TTPAL: variants seen among roughly 807,000 people sequenced by gnomAD.
The protein encoded by TTPAL is alpha-tocopherol transfer protein-like.
TTPAL carries 21 observed loss-of-function variants against 28.7 expected under a neutral mutation model. The observed-to-expected ratio is 0.73, with a 90% CI of 0.52 to 1.06. The LOEUF is 1.06. Among genes scored for constraint, TTPAL ranks in the 50% least tolerant of loss-of-function variants. The probability of loss-of-function intolerance (pLI) is 0.00; values close to 1 mark genes in which losing one functional copy is unlikely to be tolerated. For missense variants in TTPAL, 345 were observed against 425.5 expected (o/e 0.81, Z 1.67); for synonymous variants, 169 against 171.9 (o/e 0.98, Z 0.13).
At chr20:44,477,377 G>T (rs1209641243) in intron 1 of TTPAL, among the ~76,000 whole-genome samples, 1 of 152,150 alleles carries the variant, frequency 6.6e-6, no homozygotes, top group Admixed American at 6.5e-5. Context: ...TTAGGCGCTG[G>T]GTTTCAGGTG....
chr20:44,481,661 G>A (rs2064106667), intron 2 of TTPAL, among the ~76,000 whole-genome samples: 1 of 152,172 alleles, frequency 6.6e-6, no homozygotes, highest in Non-Finnish European at 1.5e-5. Context: ...ACGCCCTCTT[G>A]AAGGGAAGTT....
intron 2 of TTPAL, among the ~76,000 whole-genome samples, chr20:44,483,015 G>C (rs1307360242): frequency 6.6e-6 from 1 of 152,010 alleles, no homozygotes; most frequent in African/African-American, 2.4e-5. Context: ...GCACCACCAT[G>C]CCCAGCTAAT....
At chr20:44,487,755 G>A (rs949623155) in intron 4 of TTPAL, among the ~76,000 whole-genome samples, 3 of 152,046 alleles carry the variant, frequency 2.0e-5, no homozygotes, top group African/African-American at 7.2e-5. Flanking sequence ...GCAAAGACTG[G>A]GCCCTGAATT....
At chr20:44,478,932 G>A (rs935948169) in intron 1 of TTPAL, among the ~76,000 whole-genome samples, 2 of 152,188 alleles carry the variant, frequency 1.3e-5, no homozygotes, top group Non-Finnish European at 2.9e-5. Context: ...TGGGACTACA[G>A]GCACCTGCCA....
At position 44,480,552 on chromosome 20, in the gene TTPAL, T is replaced by C. The variant is rs2064094846; in HGVS notation, c.445+108T>C. 5 of 1,103,038 alleles carry C rather than the reference T, an allele frequency of 4.5e-6. No homozygotes were observed. The highest frequency in any genetic ancestry group is 2.4e-5 in the Admixed American group (1 of 41,614). The allele number at this position is 1,103,038 out of a possible 1,614,324, so 68.3% of individuals were successfully genotyped here. ...TCCCTTTTTTACCCCTCCTTTGTTATAGTCAAGGCTCTTTTGATTGCAGAT... is the reference window on the plus strand; with the variant it reads ...TCCCTTTTTTACCCCTCCTTTGTTACAGTCAAGGCTCTTTTGATTGCAGAT... On this transcript the variant is annotated intron_variant, in intron 2 of 4. Transcript: ENST00000262605. The surrounding 1 kb of genome is among the most constrained non-coding windows in gnomAD (Gnocchi z 4.1).
At position 44,494,166 on chromosome 20, in the gene TTPAL, T is replaced by G. The variant is rs1438672871; in HGVS notation, c.*4625T>G. On this transcript the variant is annotated 3_prime_UTR_variant, in exon 5 of 5. Transcript: ENST00000262605. ...GATCAATGTGATTTGTGGATGGAGA[T>G]GATAGTGATGAAATTCCTGTTTCAT... The G allele has an allele frequency of 1.3e-5, 2 of 152,382 alleles. No individual in the cohort carries two copies. Among genetic ancestry groups the G allele is most frequent in the South Asian group, 2.1e-4 (1 of 4,838 alleles). The allele number at this position is 152,382 out of a possible 1,614,324, so 9.4% of individuals were successfully genotyped here. A position where few individuals can be genotyped will look rare whatever the true frequency, so the allele number is the denominator to read the frequency against.
At chr20:44,488,786 G>A (rs780445691) in intron 4 of TTPAL, among the ~76,000 whole-genome samples, 22 of 152,210 alleles carry the variant, frequency 1.4e-4, no homozygotes, top group Non-Finnish European at 2.9e-4. Flanking sequence ...CAAGACTGGA[G>A]GGGCAGGTGG....
chr20:44,488,028 G>T (rs973608398), intron 4 of TTPAL, among the ~76,000 whole-genome samples: 1 of 152,096 alleles, frequency 6.6e-6, no homozygotes, highest in Non-Finnish European at 1.5e-5. Context: ...CTTGGCCTCC[G>T]AAAGTGCTGG....
At chr20:44,484,907 GT>G (rs1271198480) in intron 3 of TTPAL, among the ~76,000 whole-genome samples, 1 of 152,198 alleles carries the variant, frequency 6.6e-6, no homozygotes, top group Non-Finnish European at 1.5e-5. Flanking sequence ...GAGGTCAGGA[GT>G]TTGAGACCAG....
Position 44,492,057 on chromosome 20 carries a change from C to T in TTPAL, c.*2516C>T, listed in dbSNP as rs2064211269. 6.6e-6 allele frequency: 1 copy of T among 152,278 alleles called. No homozygotes were observed. 9.4% of individuals were successfully genotyped at this position (152,278 alleles called of 1,614,324 possible). ...GGAGTTGGAGCCTAAGTTTATCTGCCTCCGGGAGCTGCTTGCTTTGTTTTG... is the reference window on the plus strand; with the variant it reads ...GGAGTTGGAGCCTAAGTTTATCTGCTTCCGGGAGCTGCTTGCTTTGTTTTG... On this transcript the variant is annotated 3_prime_UTR_variant, in exon 5 of 5. Transcript: ENST00000262605.
chr20:44,489,871 A>G lies in TTPAL; in HGVS notation c.*330A>G. The G allele has an allele frequency of 8.2e-6, 2 of 245,270 alleles. No individual in the cohort carries two copies. Among genetic ancestry groups the G allele is most frequent in the Non-Finnish European group, 1.6e-5 (2 of 125,816 alleles). The allele number at this position is 245,270 out of a possible 1,614,324, so 15.2% of individuals were successfully genotyped here. A position where few individuals can be genotyped will look rare whatever the true frequency, so the allele number is the denominator to read the frequency against. On this transcript the variant is annotated 3_prime_UTR_variant, in exon 5 of 5. Coordinates refer to ENST00000262605, the MANE Select transcript of TTPAL (RefSeq NM_001039199.3). ...TCTTACACATCTTGGAAGCAAGAAC[A>G]ATCAGGACCAAAGTCACTTTGATCC...
intron 1 of TTPAL, 71 bp from the exon 2 acceptor site, chr20:44,479,914 C>T: frequency 1.5e-6 from 2 of 1,291,516 alleles, no homozygotes; most frequent in Non-Finnish European, 2.2e-6. Flanking sequence ...TGTTCCTGTC[C>T]CCTACACTGT....
Position 44,480,025 on chromosome 20 carries a change from G to C in TTPAL, c.26G>C (p.Arg9Thr), listed in dbSNP as rs1384795332. 2 of 1,613,724 alleles carry C rather than the reference G, an allele frequency of 1.2e-6. No individual in the cohort carries two copies. The highest frequency in any genetic ancestry group is 2.7e-5 in the African/African-American group (2 of 74,900). MSEESDSL[R>T]TSPSVASLSE... Reference sequence around the variant, plus strand: ...ATGTCCGAAGAAAGTGACTCTCTGAGAACCAGCCCTTCTGTGGCCTCACTC... The same window carrying C: ...ATGTCCGAAGAAAGTGACTCTCTGACAACCAGCCCTTCTGTGGCCTCACTC... The change falls in exon 2 of 5, where the codon AGA (arginine) becomes ACA (threonine). Residue 9 changes from arginine (R) to threonine (T), a missense_variant. Coordinates refer to ENST00000262605, the MANE Select transcript of TTPAL (RefSeq NM_001039199.3). This position sits in a 1 kb window ranked among gnomAD's most constrained non-coding sequence, Gnocchi z 4.1.
chr20:44,476,052 G>A (rs1185002672), intron 1 of TTPAL, 61 bp downstream of exon 1: 2 of 152,344 alleles, frequency 1.3e-5, no homozygotes, highest in African/African-American at 4.8e-5. Flanking sequence ...CCCTGAGAGG[G>A]AAGGATAACC....
At chr20:44,476,338 C>G (rs1301959704) in intron 1 of TTPAL, among the ~76,000 whole-genome samples, 4 of 152,196 alleles carry the variant, frequency 2.6e-5, no homozygotes, top group Non-Finnish European at 5.9e-5. Context: ...TCAGCTCATT[C>G]ACCAGCCTGT....
intron 3 of TTPAL, 84 bp downstream of exon 3, chr20:44,484,614 T>G: frequency 9.8e-7 from 1 of 1,023,268 alleles, no homozygotes; most frequent in Non-Finnish European, 1.4e-6. Flanking sequence ...TCTCACATGA[T>G]ACACAAACTG....
chr20:44,492,132 A>C lies in TTPAL; in HGVS notation c.*2591A>C, dbSNP rs2064212219. The C allele has an allele frequency of 6.6e-6, 1 of 152,324 alleles. No homozygotes were observed. The highest frequency in any genetic ancestry group is 2.4e-5 in the African/African-American group (1 of 41,440). The allele number at this position is 152,324 out of a possible 1,614,324, so 9.4% of individuals were successfully genotyped here. A position where few individuals can be genotyped will look rare whatever the true frequency, so the allele number is the denominator to read the frequency against. On this transcript the variant is annotated 3_prime_UTR_variant, in exon 5 of 5. Transcript: ENST00000262605. ...TTGACACCTCAGGAAACTTGAACCA[A>C]GCTGTGAAACCAAGACCTCCCTGCG...
chr20:44,478,334 A>C (rs2064065201), intron 1 of TTPAL, among the ~76,000 whole-genome samples: 1 of 152,176 alleles, frequency 6.6e-6, no homozygotes, highest in African/African-American at 2.4e-5. Context: ...GTCCCAACAA[A>C]GGTTTGGCCA....
chr20:44,488,595 G>C (rs2060894417), intron 4 of TTPAL, among the ~76,000 whole-genome samples: 1 of 152,174 alleles, frequency 6.6e-6, no homozygotes, highest in Non-Finnish European at 1.5e-5. Context: ...TGTGAGGTGG[G>C]AAGGGTTGCA....
Sources: allele counts gnomAD v4.1 joint callset (sites outside exome capture counted in the v4.1 genomes callset), GRCh38; gene constraint gnomAD v4.1.1; non-coding constraint Gnocchi (gnomAD v3.1); transcripts MANE v1.5; gene names NCBI Gene and HGNC (gene_info 2026-07-23, HGNC 2026-07-21).